The following PTPRN2 variants were observed in gnomAD, a reference collection of about 807,000 sequenced individuals.
PTPRN2 encodes receptor-type tyrosine-protein phosphatase N2.
PTPRN2 carries 74 observed loss-of-function variants against 118.8 expected under a neutral mutation model. The ratio of observed to expected loss-of-function variants is 0.62; its 90% CI spans 0.52 to 0.76. The LOEUF (loss-of-function observed/expected upper bound fraction) is 0.76. Among genes scored for constraint, PTPRN2 ranks in the 30% least tolerant of loss-of-function variants. PTPRN2 has a pLI of 0.00. For missense variants in PTPRN2, 1,481 were observed against 1,394.4 expected, an observed-to-expected ratio of 1.06 and a Z score of -0.99; for synonymous variants, 641 against 608.0, an observed-to-expected ratio of 1.05 and a Z score of -0.80.
At chr7:158,347,387 T>C (rs1441601321) in intron 2 of PTPRN2, among the ~76,000 whole-genome samples, 3 of 152,246 alleles carry the variant, frequency 2.0e-5, no homozygotes. Flanking sequence ...CCACTTTTGC[T>C]GAAAATGAAT....
intron 2 of PTPRN2, among the ~76,000 whole-genome samples, chr7:158,387,501 G>A (rs910848018): frequency 0.017 from 11 of 652 alleles, no homozygotes; most frequent in Non-Finnish European, 0.029. Flanking sequence ...AGTGCGATCG[G>A]GTTACGATGT....
intron 1 of PTPRN2, among the ~76,000 whole-genome samples, chr7:158,523,340 C>CGAGTCTGCCCTGAAGTG (rs1824362404): frequency 7.6e-6 from 1 of 130,806 alleles, no homozygotes; most frequent in African/African-American, 2.6e-5. Context: ...CTGCCGACAG[C>CGAGTCTGCCCTGAAGTG]GAGTCTGCCC....
At chr7:157,739,630 C>G (rs938642606) in intron 12 of PTPRN2, among the ~76,000 whole-genome samples, 1 of 152,260 alleles carries the variant, frequency 6.6e-6, no homozygotes, top group Non-Finnish European at 1.5e-5. Flanking sequence ...CAACTGCCAT[C>G]TGGGACTCTT....
intron 2 of PTPRN2, among the ~76,000 whole-genome samples, chr7:158,327,067 A>G (rs963148747): frequency 1.3e-5 from 2 of 151,690 alleles, no homozygotes; most frequent in Admixed American, 1.3e-4. Flanking sequence ...ATCTGCACAT[A>G]CATGCACACA....
intron 21 of PTPRN2, among the ~76,000 whole-genome samples, chr7:157,554,292 C>T (rs1296941196): frequency 3.1e-5 from 1 of 32,630 alleles, no homozygotes; most frequent in Non-Finnish European, 5.7e-5. Flanking sequence ...GGCATGGGTG[C>T]GGCCAGGCCG....
chr7:158,089,394 A>G (rs1272768302), intron 10 of PTPRN2, among the ~76,000 whole-genome samples: 1 of 38,628 alleles, frequency 2.6e-5, no homozygotes, highest in Non-Finnish European at 8.6e-5. Flanking sequence ...GGAAAGGGGG[A>G]GTCTTCACAC....
chr7:157,724,034 C>T (rs980872471), intron 12 of PTPRN2, among the ~76,000 whole-genome samples: 2 of 152,106 alleles, frequency 1.3e-5, no homozygotes, highest in Non-Finnish European at 2.9e-5. Context: ...AGGCTTCCCC[C>T]GTCTGAATTG....
At chr7:158,141,923 G>T (rs1363422671) in intron 6 of PTPRN2, among the ~76,000 whole-genome samples, 1 of 152,218 alleles carries the variant, frequency 6.6e-6, no homozygotes, top group African/African-American at 2.4e-5. Flanking sequence ...CGGGCGTTCT[G>T]ATCGGAGCGT....
In PTPRN2 at chr7:157,800,994, T is replaced by C. The variant is rs186464118; in HGVS notation, c.1788+97679A>G. 7.7e-3 allele frequency among the ~76,000 whole-genome samples: 1,162 copies of C among 150,872 alleles called. 39 individuals are homozygous for C. In the South Asian group the frequency reaches 0.1, roughly 14 times the overall value. On this transcript the variant is annotated intron_variant, in intron 12 of 22. Coordinates refer to ENST00000389418, the MANE Select transcript of PTPRN2 (RefSeq NM_002847.5). Reference sequence around the variant, plus strand: ...ACATATATATATATACACACACATATATATACACACATATACATATACACA... The same window carrying C: ...ACATATATATATATACACACACATACATATACACACATATACATATACACA...
chr7:157,659,308 G>C (rs555801852), intron 13 of PTPRN2, among the ~76,000 whole-genome samples: 2 of 130,964 alleles, frequency 1.5e-5, no homozygotes, highest in Non-Finnish European at 3.3e-5. Flanking sequence ...GCGGGGACGG[G>C]GGGGGATGAC....
intron 18 of PTPRN2, among the ~76,000 whole-genome samples, chr7:157,577,527 C>A (rs1348155291): frequency 1.3e-5 from 2 of 152,128 alleles, no homozygotes; most frequent in Non-Finnish European, 2.9e-5. Flanking sequence ...ATAAAAAGGT[C>A]ACATGATCCA....
intron 5 of PTPRN2, among the ~76,000 whole-genome samples, chr7:158,187,483 G>A (rs937386413): frequency 3.9e-5 from 6 of 152,128 alleles, no homozygotes; most frequent in Admixed American, 6.5e-5. Context: ...CTATATTTAC[G>A]GGGCAGCAAA....
At chr7:158,449,821 A>G (rs1817979683) in intron 2 of PTPRN2, among the ~76,000 whole-genome samples, 1 of 152,230 alleles carries the variant, frequency 6.6e-6, no homozygotes, top group African/African-American at 2.4e-5. Context: ...CCTGGCAAAC[A>G]GGAACACTAA....
chr7:158,507,896 A>T lies in PTPRN2; in HGVS notation c.113-18111T>A, dbSNP rs531396460. ...AGTGTGCAGGAGACTGCACACATGA[A>T]GATCAGTGAGGACCATCCAGGGGAC... On this transcript the variant is annotated intron_variant, in intron 1 of 22. Transcript: ENST00000389418. Among the ~76,000 whole-genome samples, 32 of 149,988 alleles carry T rather than the reference A, an allele frequency of 2.1e-4. No homozygotes were observed. The East Asian group carries it at 5.8e-3, about 27-fold the overall frequency.
chr7:157,693,629 C>A (rs1797628128), intron 12 of PTPRN2, among the ~76,000 whole-genome samples: 1 of 152,076 alleles, frequency 6.6e-6, no homozygotes, highest in Non-Finnish European at 1.5e-5. Flanking sequence ...CCCGGCGCAC[C>A]TGAGGTCTGG....
At chr7:158,130,480 C>T (rs1389519333) in intron 9 of PTPRN2, among the ~76,000 whole-genome samples, 10 of 148,298 alleles carry the variant, frequency 6.7e-5, no homozygotes, top group African/African-American at 1.5e-4. Context: ...TACACACATG[C>T]ACATATGCAC....
intron 12 of PTPRN2, among the ~76,000 whole-genome samples, chr7:157,754,133 C>T (rs1288159121): frequency 1.3e-5 from 2 of 152,250 alleles, no homozygotes; most frequent in East Asian, 1.9e-4. Context: ...CAATCGTCCA[C>T]TGTGGGCTCA....
chr7:157,675,151 G>A (rs1200412664), intron 13 of PTPRN2, among the ~76,000 whole-genome samples: 1 of 152,172 alleles, frequency 6.6e-6, no homozygotes, highest in Admixed American at 6.5e-5. Flanking sequence ...ACTCCCTCAA[G>A]TGTCTCCTCC....
At chr7:158,275,480 A>G (rs962999223) in intron 3 of PTPRN2, among the ~76,000 whole-genome samples, 1 of 152,204 alleles carries the variant, frequency 6.6e-6, no homozygotes, top group African/African-American at 2.4e-5. Flanking sequence ...GCAGCCAACA[A>G]TAAAACTGGC....
Sources: allele counts gnomAD v4.1 joint callset (sites outside exome capture counted in the v4.1 genomes callset), GRCh38; gene constraint gnomAD v4.1.1; transcripts MANE v1.5; gene names NCBI Gene and HGNC (gene_info 2026-07-23, HGNC 2026-07-21).